The following NKAIN2 variants were observed in gnomAD, a reference collection of about 807,000 sequenced individuals.
The protein encoded by NKAIN2 is sodium/potassium transporting ATPase interacting 2.
NKAIN2 carries 14 observed loss-of-function variants against 32.6 expected under a neutral mutation model. The ratio of observed to expected loss-of-function variants is 0.43; its 90% CI spans 0.28 to 0.67. The LOEUF is 0.67. NKAIN2 is among the 30% of genes least tolerant of loss of function. The probability of loss-of-function intolerance (pLI) is 0.17; values close to 1 mark genes in which losing one functional copy is unlikely to be tolerated. For missense variants in NKAIN2, 198 were observed against 258.3 expected (o/e 0.77, Z 1.60); for synonymous variants, 80 against 87.2 (o/e 0.92, Z 0.46).
At chr6:124,207,716 A>G (rs1288927161) in intron 1 of NKAIN2, among the ~76,000 whole-genome samples, 1 of 151,894 alleles carries the variant, frequency 6.6e-6, no homozygotes, top group Non-Finnish European at 1.5e-5. Flanking sequence ...TGTTTTTAAA[A>G]GACAGTAGTG....
chr6:124,083,743 C>A (rs1330919643), intron 1 of NKAIN2, among the ~76,000 whole-genome samples: 1 of 151,950 alleles, frequency 6.6e-6, no homozygotes, highest in East Asian at 1.9e-4. Flanking sequence ...AAAAAAGACA[C>A]AAATGCTTTC....
At chr6:123,836,940 T>G (rs916056323) in intron 1 of NKAIN2, among the ~76,000 whole-genome samples, 4 of 152,156 alleles carry the variant, frequency 2.6e-5, no homozygotes, top group Non-Finnish European at 4.4e-5. Context: ...CGATGCACAT[T>G]AAAATAACCT....
intron 2 of NKAIN2, among the ~76,000 whole-genome samples, chr6:124,308,164 C>T (rs1029976766): frequency 1.3e-5 from 2 of 151,838 alleles, no homozygotes; most frequent in African/African-American, 4.8e-5. Flanking sequence ...GCAGCAGGCC[C>T]CAGTGCCTGA....
At chr6:124,330,020 C>T (rs954741538) in intron 2 of NKAIN2, among the ~76,000 whole-genome samples, 2 of 152,192 alleles carry the variant, frequency 1.3e-5, no homozygotes, top group Admixed American at 1.3e-4. Context: ...CTGTTACTGA[C>T]TGGCTGTTGG....
At chr6:123,918,761 T>A (rs1775610868) in intron 1 of NKAIN2, among the ~76,000 whole-genome samples, 1 of 152,086 alleles carries the variant, frequency 6.6e-6, no homozygotes, top group Non-Finnish European at 1.5e-5. Flanking sequence ...TTTAGGCAAA[T>A]GTAGTTTTTT....
intron 2 of NKAIN2, among the ~76,000 whole-genome samples, chr6:124,285,006 G>C (rs192563085): frequency 6.6e-6 from 1 of 152,070 alleles, no homozygotes; most frequent in Non-Finnish European, 1.5e-5. Flanking sequence ...ACTTTCTCTG[G>C]CATGGGATAA....
At chr6:124,426,108 T>G (rs1774970665) in intron 3 of NKAIN2, among the ~76,000 whole-genome samples, 1 of 152,174 alleles carries the variant, frequency 6.6e-6, no homozygotes, top group Non-Finnish European at 1.5e-5. Context: ...TGTAGCTGAT[T>G]GTATTTTCCA....
chr6:123,958,136 C>T (rs1351888908), intron 1 of NKAIN2, among the ~76,000 whole-genome samples: 1 of 152,078 alleles, frequency 6.6e-6, no homozygotes, highest in South Asian at 2.1e-4. Flanking sequence ...AGGGTCTCTG[C>T]CCTCCAATAG....
At position 124,685,499 on chromosome 6, in the gene NKAIN2, T is replaced by A. The variant is rs867085177; in HGVS notation, c.474+27113T>A. Among the ~76,000 whole-genome samples the A allele has an allele frequency of 2.0e-5, 3 of 152,210 alleles. No homozygotes were observed. The South Asian group carries it at 6.2e-4, about 31-fold the overall frequency. ...AAAGAAAATCCTCCAACTTTGGTAT[T>A]TTTATGAGGATAACAATAAAGAATT... is the stretch of plus-strand genomic sequence containing the variant. On this transcript the variant is annotated intron_variant, in intron 4 of 6. Transcript: ENST00000368417.
intron 3 of NKAIN2, among the ~76,000 whole-genome samples, chr6:124,455,075 A>G (rs549526684): frequency 1.3e-5 from 2 of 152,072 alleles, no homozygotes; most frequent in Non-Finnish European, 2.9e-5. Context: ...TCTTAGCACT[A>G]TCATGTATGT....
intron 3 of NKAIN2, among the ~76,000 whole-genome samples, chr6:124,584,065 T>C (rs921251947): frequency 6.6e-6 from 1 of 152,160 alleles, no homozygotes; most frequent in African/African-American, 2.4e-5. Flanking sequence ...GAGGAAACTC[T>C]CTAGGACATT....
intron 3 of NKAIN2, among the ~76,000 whole-genome samples, chr6:124,549,581 T>C (rs901539517): frequency 6.6e-5 from 10 of 152,302 alleles, no homozygotes; most frequent in Non-Finnish European, 1.3e-4. Flanking sequence ...ATTCAGTGTT[T>C]TCACTACTGC....
chr6:124,659,316 T>A (rs932137211), intron 4 of NKAIN2, among the ~76,000 whole-genome samples: 6 of 152,144 alleles, frequency 3.9e-5, no homozygotes, highest in Non-Finnish European at 5.9e-5. Context: ...GTTAATTATT[T>A]TGGAAATGAT....
At chr6:124,494,640 A>T (rs917433836) in intron 3 of NKAIN2, among the ~76,000 whole-genome samples, 3 of 152,148 alleles carry the variant, frequency 2.0e-5, no homozygotes, top group African/African-American at 7.2e-5. Context: ...ACTGAGGTCA[A>T]AATACAATGA....
intron 4 of NKAIN2, among the ~76,000 whole-genome samples, chr6:124,748,012 T>A (rs981339751): frequency 6.6e-6 from 1 of 151,896 alleles, no homozygotes; most frequent in African/African-American, 2.4e-5. Flanking sequence ...AAACAAATTA[T>A]CACAAAAGTG....
At chr6:124,238,107 G>A (rs1792874164) in intron 1 of NKAIN2, among the ~76,000 whole-genome samples, 1 of 152,006 alleles carries the variant, frequency 6.6e-6, no homozygotes, top group African/African-American at 2.4e-5. Context: ...AAAGGGTTGG[G>A]AGTTCAGCAC....
At chr6:124,194,413 G>A (rs1394825448) in intron 1 of NKAIN2, among the ~76,000 whole-genome samples, 3 of 151,330 alleles carry the variant, frequency 2.0e-5, no homozygotes, top group African/African-American at 4.9e-5. Flanking sequence ...TTTCATTGAC[G>A]GCATACATTT....
chr6:124,157,989 C>CAGG (rs1788073079), intron 1 of NKAIN2, among the ~76,000 whole-genome samples: 1 of 152,118 alleles, frequency 6.6e-6, no homozygotes, highest in Non-Finnish European at 1.5e-5. Flanking sequence ...GTGCAAAAGT[C>CAGG]TAAATATCAA....
chr6:123,932,949 A>C (rs1776323161), intron 1 of NKAIN2, among the ~76,000 whole-genome samples: 1 of 151,814 alleles, frequency 6.6e-6, no homozygotes, highest in Non-Finnish European at 1.5e-5. Flanking sequence ...ATCTCCCTAC[A>C]TTTATTTTAC....
Sources: allele counts gnomAD v4.1 joint callset (sites outside exome capture counted in the v4.1 genomes callset), GRCh38; gene constraint gnomAD v4.1.1; transcripts MANE v1.5; gene names NCBI Gene and HGNC (gene_info 2026-07-23, HGNC 2026-07-21).